The following RRM2B variants were observed in gnomAD, a reference collection of about 807,000 sequenced individuals.
RRM2B encodes the protein ribonucleoside-diphosphate reductase subunit M2 B.
Under a neutral mutation model 45.9 loss-of-function variants are expected in RRM2B, and 20 were observed. That is an observed-to-expected ratio of 0.44 (90% CI 0.31 to 0.63). The LOEUF (loss-of-function observed/expected upper bound fraction) is 0.63, where lower values mean the gene tolerates loss of function less well. RRM2B is among the 30% of genes least tolerant of loss of function. RRM2B has a pLI of 0.09. For missense variants in RRM2B, 320 were observed against 414.7 expected (o/e 0.77, Z 1.98); for synonymous variants, 124 against 132.3 (o/e 0.94, Z 0.43).
intron 1 of RRM2B, among the ~76,000 whole-genome samples, chr8:102,237,249 C>G (rs1309230532): frequency 6.6e-6 from 1 of 152,178 alleles, no homozygotes; most frequent in East Asian, 1.9e-4. Context: ...CTATGGACCC[C>G]TTTCTCAGAA....
chr8:102,212,188 A>T (rs1347221500), intron 8 of RRM2B, among the ~76,000 whole-genome samples: 1 of 152,196 alleles, frequency 6.6e-6, no homozygotes, highest in Admixed American at 6.5e-5. Context: ...ATAGATGAGG[A>T]AACTGAGATA....
intron 4 of RRM2B, among the ~76,000 whole-genome samples, chr8:102,224,570 A>G (rs1407434893): frequency 5.9e-5 from 9 of 152,228 alleles, no homozygotes; most frequent in Non-Finnish European, 2.9e-5. Flanking sequence ...ACATTTTTAC[A>G]TGTCCATAGA....
chr8:102,225,098 A>G, intron 3 of RRM2B, 80 bp from the exon 4 acceptor site: 1 of 1,485,730 alleles, frequency 6.7e-7, no homozygotes, highest in South Asian at 1.2e-5. Context: ...GGACATCAGC[A>G]TTATCGCTTA....
chr8:102,224,790 A>T, intron 4 of RRM2B, 95 bp downstream of exon 4: 2 of 1,250,290 alleles, frequency 1.6e-6, no homozygotes, highest in Non-Finnish European at 2.3e-6. Context: ...TCCATACTTG[A>T]ATAATCTTTC....
chr8:102,213,298 G>C (rs1383743973), intron 7 of RRM2B, among the ~76,000 whole-genome samples: 2 of 151,890 alleles, frequency 1.3e-5, no homozygotes, highest in Non-Finnish European at 2.9e-5. Context: ...AATTAACAAA[G>C]AAAATGAGAA....
chr8:102,218,760 G>T, intron 6 of RRM2B, 54 bp downstream of exon 6: 2,165 of 1,053,882 alleles, frequency 2.1e-3, no homozygotes, highest in Non-Finnish European at 2.9e-3. Flanking sequence ...AAGAAAAATA[G>T]ATGAACATCA....
chr8:102,229,326 A>G (rs1810989367), intron 2 of RRM2B, among the ~76,000 whole-genome samples: 1 of 152,094 alleles, frequency 6.6e-6, no homozygotes, highest in African/African-American at 2.4e-5. Context: ...TGACCTTTCC[A>G]AAAAGGACTA....
At chr8:102,226,128 C>A (rs1810927837) in intron 2 of RRM2B, 94 bp from the exon 3 acceptor site, 1 of 765,122 alleles carries the variant, frequency 1.3e-6, no homozygotes, top group Admixed American at 1.8e-5. Context: ...TAGGAATATC[C>A]CACTACCAGT....
At position 102,238,869 on chromosome 8, in the gene RRM2B, G is replaced by C. The variant is rs769808344; in HGVS notation, c.6C>G (p.Gly2=). 16 of 1,611,908 alleles carry C rather than the reference G, an allele frequency of 9.9e-6. No homozygotes were observed. In the East Asian group the frequency reaches 1.8e-4, roughly 18 times the overall value. ...CGGCCGCTTCCGGCCTTTCCGGGTCGCCCATCGCGCAGACTCCGCCGAAGC... is the reference window on the plus strand; with the variant it reads ...CGGCCGCTTCCGGCCTTTCCGGGTCCCCCATCGCGCAGACTCCGCCGAAGC... M[G]DPERPEAAGL... is the part of the protein sequence containing the mutation. The change falls in exon 1 of 9, where the codon GGC becomes GGG. Residue 2 remains glycine, a synonymous_variant. Coordinates refer to ENST00000251810, the MANE Select transcript of RRM2B (RefSeq NM_015713.5).
intron 2 of RRM2B, among the ~76,000 whole-genome samples, chr8:102,226,474 T>C (rs565616770): frequency 6.6e-6 from 1 of 151,946 alleles, no homozygotes; most frequent in African/African-American, 2.4e-5. Context: ...TAACATAATC[T>C]AGTGGCACTG....
chr8:102,214,254 A>G (rs917820458), intron 6 of RRM2B, 96 bp from the exon 7 acceptor site: 3 of 834,448 alleles, frequency 3.6e-6, no homozygotes, highest in African/African-American at 1.7e-5. Context: ...TTCTAGGAAT[A>G]TAACACAGAA....
At position 102,208,099 on chromosome 8, in the gene RRM2B, G is replaced by T; in HGVS notation, c.*34C>A. The T allele has an allele frequency of 1.9e-6, 3 of 1,578,092 alleles. No homozygotes were observed. The South Asian group carries it at 3.4e-5, about 18-fold the overall frequency. ...GGAAAATAGACTACTATTTACCAAT[G>T]ACAAGTTTATAGAGTTTTAAAACGA... On this transcript the variant is annotated 3_prime_UTR_variant, in exon 9 of 9. Coordinates refer to ENST00000251810, the MANE Select transcript of RRM2B (RefSeq NM_015713.5).
chr8:102,222,790 A>C (rs1810858357), intron 5 of RRM2B, among the ~76,000 whole-genome samples: 1 of 152,248 alleles, frequency 6.6e-6, no homozygotes, highest in Non-Finnish European at 1.5e-5. Context: ...AGACATTTAA[A>C]AGAGTTACAG....
intron 4 of RRM2B, 140 bp from the exon 5 acceptor site, chr8:102,224,280 C>T: frequency 3.2e-6 from 2 of 619,570 alleles, no homozygotes; most frequent in South Asian, 3.2e-5. Flanking sequence ...CTCCCGGGTT[C>T]ATGCCATTCT....
chr8:102,235,714 C>T (rs1405251931), intron 1 of RRM2B, among the ~76,000 whole-genome samples: 1 of 152,192 alleles, frequency 6.6e-6, no homozygotes, highest in Non-Finnish European at 1.5e-5. Flanking sequence ...TGGCGTACGC[C>T]TGTACTCCCA....
intron 6 of RRM2B, among the ~76,000 whole-genome samples, chr8:102,216,008 A>C (rs1810725013): frequency 6.6e-6 from 1 of 151,660 alleles, no homozygotes; most frequent in Non-Finnish European, 1.5e-5. Context: ...ACACTTTCAA[A>C]AGAAAAGTTT....
At chr8:102,226,703 C>A (rs1425919360) in intron 2 of RRM2B, among the ~76,000 whole-genome samples, 2 of 152,084 alleles carry the variant, frequency 1.3e-5, no homozygotes, top group Non-Finnish European at 2.9e-5. Context: ...TAATGCCAGG[C>A]AGGTAACAAC....
chr8:102,238,045 A>T (rs1811152593), intron 1 of RRM2B, among the ~76,000 whole-genome samples: 1 of 152,220 alleles, frequency 6.6e-6, no homozygotes, highest in South Asian at 2.1e-4. Context: ...AGTGTTTGAA[A>T]ATTATACAGC....
Position 102,208,179 on chromosome 8 carries a change from A to G in RRM2B, c.1010T>C (p.Met337Thr). The G allele has an allele frequency of 1.9e-6, 3 of 1,613,762 alleles. No homozygotes were observed. Among genetic ancestry groups the G allele is most frequent in the South Asian group, 1.1e-5 (1 of 91,064 alleles). Residue 337 changes from methionine to threonine, a missense_variant, in exon 9 of 9, where the codon ATG (methionine) becomes ACG (threonine). Physicochemically the swap from Met to Thr is moderately conservative, Grantham distance 81. Transcript: ENST00000251810. ...GAAGACGTTATCTGTGGTTTCTGCC[A>G]TAACTGCAAAACGCTGATACTCTGA... ...RVSEYQRFAV[M>T]AETTDNVFTL...
Sources: gnomAD v4.1 joint callset for allele counts (sites outside exome capture counted in the v4.1 genomes callset) on GRCh38, gnomAD v4.1.1 for gene constraint, MANE v1.5 for transcripts, NCBI Gene and HGNC (gene_info 2026-07-23, HGNC 2026-07-21) for gene names.